Variants in ZBTB44 observed in about 807,000 individuals in gnomAD.
ZBTB44 encodes the protein zinc finger and BTB domain-containing protein 44.
A neutral mutation model predicts 54.0 loss-of-function variants in ZBTB44; 15 were observed. The observed-to-expected ratio is 0.28, with a 90% CI of 0.19 to 0.43. The LOEUF is 0.43. Ranked by LOEUF, ZBTB44 falls within the 20% of genes least tolerant of loss-of-function variation. The probability of loss-of-function intolerance (pLI) is 1.00; values close to 1 mark genes in which losing one functional copy is unlikely to be tolerated. For missense variants in ZBTB44, 487 were observed against 707.1 expected (o/e 0.69, Z 3.53); for synonymous variants, 230 against 250.1 (o/e 0.92, Z 0.76).
In ZBTB44 at chr11:130,295,879, C is replaced by T. The variant is rs1941611403; in HGVS notation, c.-57+18496G>A. 1.2e-5 allele frequency: 17 copies of T among 1,445,726 alleles called. No individual in the cohort carries two copies. In the South Asian group the frequency reaches 1.9e-4, roughly 17 times the overall value. The allele number at this position is 1,445,726 out of a possible 1,614,324, so 89.6% of individuals were successfully genotyped here. A position where few individuals can be genotyped will look rare whatever the true frequency, so the allele number is the denominator to read the frequency against. On this transcript the variant is annotated intron_variant, in intron 1 of 7. Coordinates refer to ENST00000357899, the MANE Select transcript of ZBTB44 (RefSeq NM_001301098.2). ...TGTTCTTAAGGAGCTAAAGACTCAC[C>T]ACGTGCATACCTATGGGTTGATAAT...
At chr11:130,291,684 A>G (rs1436021878) in intron 1 of ZBTB44, among the ~76,000 whole-genome samples, 3 of 152,186 alleles carry the variant, frequency 2.0e-5, no homozygotes, top group Non-Finnish European at 2.9e-5. Flanking sequence ...GTTTGATAGC[A>G]TATCAATTTA....
chr11:130,281,271 G>A (rs965694971), intron 1 of ZBTB44, among the ~76,000 whole-genome samples: 1 of 152,098 alleles, frequency 6.6e-6, no homozygotes, highest in Non-Finnish European at 1.5e-5. Flanking sequence ...TGTAATCCCA[G>A]CACTTTGGGA....
intron 2 of ZBTB44, among the ~76,000 whole-genome samples, chr11:130,246,825 A>T (rs566764566): frequency 4.6e-5 from 7 of 152,188 alleles, no homozygotes; most frequent in Non-Finnish European, 8.8e-5. Flanking sequence ...GGGGAACATA[A>T]ACAGTCTCAC....
intron 1 of ZBTB44, among the ~76,000 whole-genome samples, 190 bp downstream of exon 1, chr11:130,314,185 C>T (rs1942802894): frequency 6.6e-6 from 1 of 152,160 alleles, no homozygotes; most frequent in South Asian, 2.1e-4. Context: ...GGGCCCAAGG[C>T]CGGTCTCCTC....
intron 1 of ZBTB44, among the ~76,000 whole-genome samples, chr11:130,264,425 G>C (rs1939103921): frequency 1.3e-5 from 2 of 152,160 alleles, no homozygotes; most frequent in Admixed American, 6.5e-5. Context: ...GGTGGGAAAG[G>C]AGGGAAAGCT....
intron 1 of ZBTB44, among the ~76,000 whole-genome samples, chr11:130,312,230 G>C (rs1405753975): frequency 6.6e-6 from 1 of 152,108 alleles, no homozygotes; most frequent in Non-Finnish European, 1.5e-5. Context: ...CTAAGCAAAA[G>C]ATTGTCAGAA....
chr11:130,297,797 C>G (rs949636173), intron 1 of ZBTB44, among the ~76,000 whole-genome samples: 1 of 152,212 alleles, frequency 6.6e-6, no homozygotes, highest in Non-Finnish European at 1.5e-5. Flanking sequence ...TAACAGCCAC[C>G]TACTTCGTCA....
chr11:130,275,637 A>AT (rs375647972), intron 1 of ZBTB44, among the ~76,000 whole-genome samples: 110 of 150,704 alleles, frequency 7.3e-4, no homozygotes, highest in African/African-American at 2.4e-3. Context: ...CATAATCTCC[A>AT]TTTTTTTTTG....
chr11:130,302,045 C>A (rs1405262482), intron 1 of ZBTB44, among the ~76,000 whole-genome samples: 3 of 144,540 alleles, frequency 2.1e-5, no homozygotes, highest in Non-Finnish European at 4.5e-5. Context: ...GAGGGAGACC[C>A]TGTCTCAAAA....
At chr11:130,295,044 A>G (rs760682977) in intron 1 of ZBTB44, among the ~76,000 whole-genome samples, 2 of 152,074 alleles carry the variant, frequency 1.3e-5, no homozygotes, top group Non-Finnish European at 2.9e-5. Context: ...GTACTGTGTG[A>G]CGTCGTGATC....
intron 1 of ZBTB44, among the ~76,000 whole-genome samples, chr11:130,277,098 T>C (rs1336368725): frequency 6.6e-6 from 1 of 152,224 alleles, no homozygotes; most frequent in East Asian, 1.9e-4. Context: ...AGTCTGACAA[T>C]CTCTGTCTTT....
chr11:130,238,306 C>T lies in ZBTB44; in HGVS notation c.1267+138G>A, dbSNP rs911995033. 10 of 1,113,850 alleles carry T rather than the reference C, an allele frequency of 9.0e-6. No homozygotes were observed. The African/African-American group carries it at 1.6e-4, about 18-fold the overall frequency. 69.0% of individuals were successfully genotyped at this position (1,113,850 alleles called of 1,614,324 possible). Reference sequence around the variant, plus strand: ...ACACTGCATCATTTCAGCAATAAACCTTAGCTAATCTGTTTTCATTTGACT... The same window carrying T: ...ACACTGCATCATTTCAGCAATAAACTTTAGCTAATCTGTTTTCATTTGACT... On this transcript the variant is annotated intron_variant, in intron 4 of 7. Coordinates refer to ENST00000357899, the MANE Select transcript of ZBTB44 (RefSeq NM_001301098.2).
At chr11:130,240,601 T>C (rs1954321550) in intron 2 of ZBTB44, among the ~76,000 whole-genome samples, 1 of 152,168 alleles carries the variant, frequency 6.6e-6, no homozygotes, top group African/African-American at 2.4e-5. Context: ...ACAGATAAAG[T>C]GAACACCCAG....
intron 1 of ZBTB44, among the ~76,000 whole-genome samples, chr11:130,262,828 C>T (rs1225603391): frequency 6.6e-6 from 1 of 152,110 alleles, no homozygotes; most frequent in Non-Finnish European, 1.5e-5. Context: ...GAGGCCAAGG[C>T]AGGCGGATTG....
chr11:130,311,019 C>T (rs906346852), intron 1 of ZBTB44, among the ~76,000 whole-genome samples: 1 of 152,152 alleles, frequency 6.6e-6, no homozygotes, highest in African/African-American at 2.4e-5. Context: ...AAATTGGTAG[C>T]ATAACCAGAG....
intron 2 of ZBTB44, among the ~76,000 whole-genome samples, chr11:130,256,734 G>C (rs1315805612): frequency 6.6e-6 from 1 of 151,904 alleles, no homozygotes; most frequent in African/African-American, 2.4e-5. Context: ...ACTAGGTATT[G>C]ATGGAACATA....
chr11:130,236,722 G>A, intron 5 of ZBTB44, 71 bp downstream of exon 5: 2 of 1,309,112 alleles, frequency 1.5e-6, no homozygotes, highest in South Asian at 2.4e-5. Flanking sequence ...AACACAGAAG[G>A]CTGCCCTAAA....
chr11:130,280,990 C>T (rs977649372), intron 1 of ZBTB44, among the ~76,000 whole-genome samples: 2 of 152,040 alleles, frequency 1.3e-5, no homozygotes, highest in Non-Finnish European at 2.9e-5. Flanking sequence ...TTGTAATTGC[C>T]CTTTGCCAGG....
At chr11:130,239,484 C>G (rs1565645013) in intron 3 of ZBTB44, 1 of 247,708 alleles carries the variant, frequency 4.0e-6, no homozygotes, top group African/African-American at 2.3e-5. Flanking sequence ...AACAATATGT[C>G]AGCAAATGAG....
Sources: allele counts gnomAD v4.1 joint callset (sites outside exome capture counted in the v4.1 genomes callset), GRCh38; gene constraint gnomAD v4.1.1; transcripts MANE v1.5; gene names NCBI Gene and HGNC (gene_info 2026-07-23, HGNC 2026-07-21).